SLAMF6: variants seen among roughly 807,000 people sequenced by gnomAD.
SLAMF6 encodes SLAM family member 6.
In SLAMF6, 21 loss-of-function variants were observed where a neutral mutation model predicts 38.3. The observed-to-expected ratio is 0.55, with a 90% CI of 0.39 to 0.79. The LOEUF is 0.79. Among genes scored for constraint, SLAMF6 ranks in the 30% least tolerant of loss-of-function variants. SLAMF6 has a pLI of 0.00. For synonymous variants in SLAMF6, 152 were observed against 146.3 expected (o/e 1.04, Z -0.28); for missense variants, 341 against 385.3 (o/e 0.89, Z 0.96).
chr1:160,501,729 C>G (rs1653907328), intron 1 of SLAMF6, among the ~76,000 whole-genome samples: 1 of 145,706 alleles, frequency 6.9e-6, no homozygotes, highest in Non-Finnish European at 1.5e-5. Context: ...GCTTTTCCCT[C>G]TGCTTAAAAT....
At chr1:160,486,840 A>C in intron 7 of SLAMF6, 86 bp from the exon 8 acceptor site, 1 of 1,463,376 alleles carries the variant, frequency 6.8e-7, no homozygotes, top group South Asian at 1.2e-5. Context: ...AGGACTGGAG[A>C]CTACAGAGAG....
At chr1:160,510,548 A>T (rs1654419705) in intron 1 of SLAMF6, among the ~76,000 whole-genome samples, 1 of 152,210 alleles carries the variant, frequency 6.6e-6, no homozygotes, top group African/African-American at 2.4e-5. Context: ...CACCTTTTAA[A>T]TAAAAACACT....
intron 1 of SLAMF6, among the ~76,000 whole-genome samples, chr1:160,510,963 TAAGAA>T (rs1208241298): frequency 6.6e-6 from 1 of 152,082 alleles, no homozygotes; most frequent in Non-Finnish European, 1.5e-5. Context: ...AAAAAGAAGT[TAAGAA>T]AAGCAGTTCC....
chr1:160,514,947 T>G (rs1571314508), intron 1 of SLAMF6, among the ~76,000 whole-genome samples: 1 of 151,958 alleles, frequency 6.6e-6, no homozygotes, highest in East Asian at 1.9e-4. Context: ...CTAAAAGAAC[T>G]GGAGAACCAA....
intron 1 of SLAMF6, among the ~76,000 whole-genome samples, chr1:160,509,058 A>C (rs898991344): frequency 5.3e-5 from 8 of 152,214 alleles, no homozygotes; most frequent in African/African-American, 1.9e-4. Flanking sequence ...TGTTGGTGGG[A>C]GTGTAAATTA....
At chr1:160,493,587 G>T (rs889655585) in intron 2 of SLAMF6, among the ~76,000 whole-genome samples, 1 of 152,158 alleles carries the variant, frequency 6.6e-6, no homozygotes, top group African/African-American at 2.4e-5. Context: ...GCCTATAACA[G>T]TGCCTTGGAC....
chr1:160,519,854 A>G (rs1654908717), intron 1 of SLAMF6, among the ~76,000 whole-genome samples: 1 of 152,078 alleles, frequency 6.6e-6, no homozygotes, highest in Non-Finnish European at 1.5e-5. Context: ...GGTGATGAAA[A>G]TGTTTTAGAA....
chr1:160,506,757 C>T (rs1014483657), intron 1 of SLAMF6, among the ~76,000 whole-genome samples: 6 of 152,070 alleles, frequency 3.9e-5, no homozygotes, highest in East Asian at 1.9e-4. Flanking sequence ...GTTACAACAA[C>T]GTAAAGGCAG....
At chr1:160,494,145 C>T (rs983448953) in intron 2 of SLAMF6, among the ~76,000 whole-genome samples, 1 of 152,138 alleles carries the variant, frequency 6.6e-6, no homozygotes, top group African/African-American at 2.4e-5. Flanking sequence ...AAAAATCAAA[C>T]CTATATAACT....
chr1:160,519,429 G>C (rs1654888800), intron 1 of SLAMF6, among the ~76,000 whole-genome samples: 1 of 152,126 alleles, frequency 6.6e-6, no homozygotes, highest in Non-Finnish European at 1.5e-5. Flanking sequence ...GTTAAGCATA[G>C]AATTATATGA....
intron 1 of SLAMF6, among the ~76,000 whole-genome samples, chr1:160,510,762 A>G (rs1654431838): frequency 6.6e-6 from 1 of 152,212 alleles, no homozygotes; most frequent in Non-Finnish European, 1.5e-5. Flanking sequence ...AAAATAAATA[A>G]AATGCATCTC....
At chr1:160,488,524 T>G (rs1484110812) in intron 6 of SLAMF6, among the ~76,000 whole-genome samples, 2 of 152,106 alleles carry the variant, frequency 1.3e-5, no homozygotes, top group African/African-American at 4.8e-5. Context: ...ACATGACAGA[T>G]GAGTTGCTGA....
rs779578119 is a variant in SLAMF6 at position 160,496,044 on chromosome 1, C to T, written c.382+17G>A. ...TTTTTCAGTCCATATGGAATTAAAC[C>T]CCATATTTTGACTTACTTAATATCC... On this transcript the variant is annotated intron_variant, in intron 2 of 7. Coordinates refer to ENST00000368057, the MANE Select transcript of SLAMF6 (RefSeq NM_001184714.2). 9.4e-6 allele frequency: 15 copies of T among 1,596,138 alleles called. No individual in the cohort carries two copies. In the Admixed American group the frequency reaches 2.4e-4, roughly 25 times the overall value.
At chr1:160,507,327 C>T (rs774732284) in intron 1 of SLAMF6, among the ~76,000 whole-genome samples, 2 of 152,008 alleles carry the variant, frequency 1.3e-5, no homozygotes, top group African/African-American at 4.8e-5. Context: ...AGGGTCAACC[C>T]TGCAAAAAGT....
intron 6 of SLAMF6, among the ~76,000 whole-genome samples, chr1:160,488,090 C>CAA (rs1170761955): frequency 7.8e-5 from 5 of 64,032 alleles, no homozygotes; most frequent in African/African-American, 1.6e-4. Context: ...CACTCTGTCT[C>CAA]AAAAAAAAAA....
chr1:160,485,973 G>C lies in SLAMF6; in HGVS notation c.*734C>G, dbSNP rs1191100240. 3 of 152,560 alleles carry C rather than the reference G, an allele frequency of 2.0e-5. No individual in the cohort carries two copies. The highest frequency in any genetic ancestry group is 7.2e-5 in the African/African-American group (3 of 41,428). The allele number at this position is 152,560 out of a possible 1,614,324, so 9.5% of individuals were successfully genotyped here. ...TCCTTTTTCAGTCTGGGAGACTAAG[G>C]CTCCAAAAGGTTAGGCAGTATGTCC... On this transcript the variant is annotated 3_prime_UTR_variant, in exon 8 of 8. Transcript: ENST00000368057.
chr1:160,509,879 A>G (rs906378637), intron 1 of SLAMF6, among the ~76,000 whole-genome samples: 1 of 152,132 alleles, frequency 6.6e-6, no homozygotes, highest in Non-Finnish European at 1.5e-5. Context: ...AATAAAATAG[A>G]AAAGATTCAA....
rs11265413 is a variant in SLAMF6 at position 160,490,309 on chromosome 1, T to C, written c.758-73A>G. 8 of 1,605,764 alleles carry C rather than the reference T, an allele frequency of 5.0e-6. No homozygotes were observed. In the African/African-American group the frequency reaches 1.1e-4, roughly 22 times the overall value. On this transcript the variant is annotated intron_variant, in intron 4 of 7. Transcript: ENST00000368057. Reference sequence around the variant, plus strand: ...GGCATTTCACCCCTAACCCCGTGAGTGTTGGGATGTGGTGGGAGGGGACCC... The same window carrying C: ...GGCATTTCACCCCTAACCCCGTGAGCGTTGGGATGTGGTGGGAGGGGACCC...
In SLAMF6 at chr1:160,496,266, T is replaced by A; in HGVS notation, c.177A>T (p.Glu59Asp). ...GGGGTACTATGAAGGCAAGAGATGT[T>A]TCATTGAAAAGCCAAGTGATGAAGT... Reference protein sequence around the residue: ...KVNFITWLFNETSLAFIVPHE... With the variant: ...KVNFITWLFNDTSLAFIVPHE... The change falls in exon 2 of 8, where the codon GAA becomes GAT. Residue 59 changes from glutamate (E) to aspartate (D), a missense_variant. Coordinates refer to ENST00000368057, the MANE Select transcript of SLAMF6 (RefSeq NM_001184714.2). 2 of 1,613,950 alleles carry A rather than the reference T, an allele frequency of 1.2e-6. No homozygotes were observed. Among genetic ancestry groups the A allele is most frequent in the Non-Finnish European group, 1.7e-6 (2 of 1,179,916 alleles).
Sources: allele counts gnomAD v4.1 joint callset (sites outside exome capture counted in the v4.1 genomes callset), GRCh38; gene constraint gnomAD v4.1.1; transcripts MANE v1.5; gene names NCBI Gene and HGNC (gene_info 2026-07-23, HGNC 2026-07-21).